Variants in B3GAT2 observed in about 807,000 individuals in gnomAD.
B3GAT2 encodes galactosylgalactosylxylosylprotein 3-beta-glucuronosyltransferase 2.
A neutral mutation model predicts 27.8 loss-of-function variants in B3GAT2; 26 were observed. The ratio of observed to expected loss-of-function variants is 0.93; its 90% CI spans 0.68 to 1.30. The LOEUF (loss-of-function observed/expected upper bound fraction) is 1.30, where lower values mean the gene tolerates loss of function less well. Among genes scored for constraint, B3GAT2 ranks in the 50% most tolerant of loss-of-function variants. The pLI is 0.00. For synonymous variants in B3GAT2, 218 were observed against 195.1 expected (o/e 1.12, Z -0.98); for missense variants, 458 against 459.0 (o/e 1.00, Z 0.02).
rs1765660635 is a variant in B3GAT2, at chr6:70,956,496, T to C, written c.-67A>G. ...GAGCCGAGGGACCCCAGTGCGCAGC[T>C]TGGACAGCGGCGGCGCCAGCACTTA... On this transcript the variant is annotated 5_prime_UTR_variant, in exon 1 of 4. Coordinates refer to ENST00000230053, the MANE Select transcript of B3GAT2 (RefSeq NM_080742.3). 1.3e-6 allele frequency: 2 copies of C among 1,545,350 alleles called. No individual in the cohort carries two copies. Among genetic ancestry groups the C allele is most frequent in the African/African-American group, 2.7e-5 (2 of 72,932 alleles).
At chr6:70,932,028 T>G (rs1049233902) in intron 1 of B3GAT2, among the ~76,000 whole-genome samples, 2 of 152,162 alleles carry the variant, frequency 1.3e-5, no homozygotes, top group African/African-American at 4.8e-5. Context: ...TCAACATCAC[T>G]AATTATAGGA....
chr6:70,933,735 A>T (rs926276228), intron 1 of B3GAT2, among the ~76,000 whole-genome samples: 1 of 152,166 alleles, frequency 6.6e-6, no homozygotes, highest in Non-Finnish European at 1.5e-5. Context: ...ACAGAGCAGC[A>T]CCTTGGGGCC....
intron 1 of B3GAT2, among the ~76,000 whole-genome samples, chr6:70,943,705 A>G (rs1441693217): frequency 2.0e-5 from 3 of 152,222 alleles, no homozygotes; most frequent in African/African-American, 7.2e-5. Context: ...GTTTTTATCT[A>G]GCTTGTAAAA....
At position 70,859,211 on chromosome 6, in the gene B3GAT2, A is replaced by C; in HGVS notation, c.*2452T>G. The stretch of plus-strand genomic sequence containing the variant: ...AAACATTGGTCTCTACCCGCTGGGA[A>C]TCTAAAAAATTGTATGTGCTAAGTG... On this transcript the variant is annotated 3_prime_UTR_variant, in exon 4 of 4. Transcript: ENST00000230053. The C allele has an allele frequency of 3.2e-6, 2 of 624,064 alleles. No homozygotes were observed. The highest frequency in any genetic ancestry group is 5.5e-6 in the Non-Finnish European group (2 of 366,202). The allele number at this position is 624,064 out of a possible 1,614,324, so 38.7% of individuals were successfully genotyped here.
intron 1 of B3GAT2, among the ~76,000 whole-genome samples, chr6:70,938,987 C>T (rs1373136639): frequency 6.6e-5 from 10 of 151,796 alleles, no homozygotes; most frequent in East Asian, 1.9e-4. Flanking sequence ...AGAAAATATT[C>T]GCAACCTACT....
chr6:70,929,931 G>A (rs946211487), intron 1 of B3GAT2, among the ~76,000 whole-genome samples: 1 of 152,144 alleles, frequency 6.6e-6, no homozygotes, highest in Non-Finnish European at 1.5e-5. Context: ...CTTGCTACCT[G>A]ACTTCAAATT....
In B3GAT2 at chr6:70,956,596, G is replaced by C. The variant is rs1765662268; in HGVS notation, c.-167C>G. ...CCTGGAGCCGCGGGGCTCACTACCT[G>C]GGCGTGGAGGAGCGGCAGGTTCGCG... is the stretch of plus-strand genomic sequence containing the variant. On this transcript the variant is annotated 5_prime_UTR_variant, in exon 1 of 4. Transcript: ENST00000230053. 5 of 1,438,406 alleles carry C rather than the reference G, an allele frequency of 3.5e-6. No individual in the cohort carries two copies. The African/African-American group carries it at 4.3e-5, about 13-fold the overall frequency. The allele number at this position is 1,438,406 out of a possible 1,614,324, so 89.1% of individuals were successfully genotyped here.
At position 70,857,702 on chromosome 6, in the gene B3GAT2, T is replaced by TAATTA. The variant is rs1771490659; in HGVS notation, c.*3956_*3960dup. The TAATTA allele has an allele frequency of 3.6e-6, 2 of 553,988 alleles. No homozygotes were observed. Among genetic ancestry groups the TAATTA allele is most frequent in the East Asian group, 6.0e-5 (2 of 33,080 alleles). The allele number at this position is 553,988 out of a possible 1,614,324, so 34.3% of individuals were successfully genotyped here. On this transcript the variant is annotated 3_prime_UTR_variant, in exon 4 of 4. Coordinates refer to ENST00000230053, the MANE Select transcript of B3GAT2 (RefSeq NM_080742.3). ...GCTGTTGCATATGATTTACATTTCT[T>TAATTA]AATTAAATTTACTCAGGTTAATAAC...
At chr6:70,922,907 A>G (rs1354267798) in intron 1 of B3GAT2, among the ~76,000 whole-genome samples, 2 of 152,228 alleles carry the variant, frequency 1.3e-5, no homozygotes, top group East Asian at 1.9e-4. Flanking sequence ...CCAACCTCAG[A>G]TCCACCACTA....
In B3GAT2 at chr6:70,861,820, T is replaced by TA; in HGVS notation, c.885+9dup. 1.9e-6 allele frequency: 3 copies of TA among 1,614,076 alleles called. No homozygotes were observed. Among genetic ancestry groups the TA allele is most frequent in the Non-Finnish European group, 2.5e-6 (3 of 1,179,964 alleles). On this transcript the variant is annotated intron_variant, in intron 3 of 3. Transcript: ENST00000230053. Reference sequence around the variant, plus strand: ...CACTCGAGGTCGGGCAGCACAAGTGTAATGAATACCTTAGTGCAGTTATTT... The same window carrying TA: ...CACTCGAGGTCGGGCAGCACAAGTGTAAATGAATACCTTAGTGCAGTTATTT...
intron 1 of B3GAT2, among the ~76,000 whole-genome samples, chr6:70,943,171 T>TA (rs1335455746): frequency 1.3e-5 from 2 of 152,204 alleles, no homozygotes; most frequent in Non-Finnish European, 2.9e-5. Context: ...TTGTTTTTTT[T>TA]AACCTGCAAA....
At chr6:70,911,797 C>T (rs1332118585) in intron 1 of B3GAT2, among the ~76,000 whole-genome samples, 3 of 152,018 alleles carry the variant, frequency 2.0e-5, no homozygotes, top group South Asian at 2.1e-4. Flanking sequence ...AATGTTTTCT[C>T]GTTTGTTTGT....
At chr6:70,955,700 C>G (rs1161148250) in intron 1 of B3GAT2, 139 bp downstream of exon 1, 1 of 1,069,322 alleles carries the variant, frequency 9.4e-7, no homozygotes, top group African/African-American at 1.7e-5. Flanking sequence ...AGCGGCTCCA[C>G]TCGGTGCCCC....
chr6:70,913,637 G>T (rs1247399260), intron 1 of B3GAT2, among the ~76,000 whole-genome samples: 1 of 152,236 alleles, frequency 6.6e-6, no homozygotes, highest in African/African-American at 2.4e-5. Flanking sequence ...GTCGACTTTA[G>T]AGTATGTGCC....
intron 2 of B3GAT2, among the ~76,000 whole-genome samples, chr6:70,886,310 C>T (rs1471023539): frequency 6.6e-6 from 1 of 152,144 alleles, no homozygotes; most frequent in Non-Finnish European, 1.5e-5. Context: ...TAGCATATCC[C>T]TTGCACAGCT....
chr6:70,934,180 G>A (rs1485560619), intron 1 of B3GAT2, among the ~76,000 whole-genome samples: 1 of 152,178 alleles, frequency 6.6e-6, no homozygotes, highest in Non-Finnish European at 1.5e-5. Flanking sequence ...TTTCAGACTG[G>A]GAGTGCATGA....
Position 70,859,351 on chromosome 6 carries a change from T to C in B3GAT2, c.*2312A>G. 6.5e-7 allele frequency: 1 copy of C among 1,549,150 alleles called. No individual in the cohort carries two copies. Among genetic ancestry groups the C allele is most frequent in the South Asian group, 1.2e-5 (1 of 83,880 alleles). On this transcript the variant is annotated 3_prime_UTR_variant, in exon 4 of 4. Coordinates refer to ENST00000230053, the MANE Select transcript of B3GAT2 (RefSeq NM_080742.3). ...CAGATAATGCAGAAGGGTGATGCTG[T>C]TCTCCAGCACTCCATCAGTGCAATC...
intron 1 of B3GAT2, among the ~76,000 whole-genome samples, chr6:70,954,918 G>GGT (rs905507984): frequency 2.6e-5 from 4 of 151,550 alleles, no homozygotes; most frequent in African/African-American, 7.3e-5. Context: ...GGGGCGGCGG[G>GGT]GGGGGGCGGT....
At chr6:70,942,393 T>C (rs1218961628) in intron 1 of B3GAT2, among the ~76,000 whole-genome samples, 1 of 152,130 alleles carries the variant, frequency 6.6e-6, no homozygotes, top group Non-Finnish European at 1.5e-5. Flanking sequence ...ATCAAGAACA[T>C]CCTTCAGGTC....
Sources: allele counts gnomAD v4.1 joint callset (sites outside exome capture counted in the v4.1 genomes callset), GRCh38; gene constraint gnomAD v4.1.1; transcripts MANE v1.5; gene names NCBI Gene and HGNC (gene_info 2026-07-23, HGNC 2026-07-21).